BICDL1: variants seen among roughly 807,000 people sequenced by gnomAD.
The protein encoded by BICDL1 is BICD family like cargo adaptor 1, also known as BICD family-like cargo adapter 1.
In BICDL1, 20 loss-of-function variants were observed where a neutral mutation model predicts 76.8. That is an observed-to-expected ratio of 0.26 (90% CI 0.18 to 0.38). The LOEUF (loss-of-function observed/expected upper bound fraction) is 0.38. Among genes scored for constraint, BICDL1 ranks in the 10% least tolerant of loss-of-function variants. The pLI, the probability that BICDL1 is intolerant of heterozygous loss-of-function variation, is 1.00. For missense variants in BICDL1, 700 were observed against 798.6 expected (o/e 0.88, Z 1.49); for synonymous variants, 383 against 337.1 (o/e 1.14, Z -1.49).
rs973700630 is a variant in BICDL1 at position 120,071,348 on chromosome 12, G to A, written c.910-274G>A. 2.6e-5 allele frequency among the ~76,000 whole-genome samples: 4 copies of A among 151,864 alleles called. No individual in the cohort carries two copies. The highest frequency in any genetic ancestry group is 5.9e-5 in the Non-Finnish European group (4 of 67,956). ...GTAGAGGCAGGGTTTCATCATGTTGGCCAGGCTGGTCTCATACTCCTGACC... is the reference window on the plus strand; with the variant it reads ...GTAGAGGCAGGGTTTCATCATGTTGACCAGGCTGGTCTCATACTCCTGACC... On this transcript the variant is annotated intron_variant, in intron 4 of 9. Coordinates refer to ENST00000548673, the MANE Select transcript of BICDL1 (RefSeq NM_001367886.1). This position sits in a 1 kb window ranked among gnomAD's most constrained non-coding sequence, Gnocchi z 4.8.
At chr12:120,000,935 T>C (rs1951747336) in intron 2 of BICDL1, among the ~76,000 whole-genome samples, 2 of 152,252 alleles carry the variant, frequency 1.3e-5, no homozygotes, top group Non-Finnish European at 2.9e-5. Flanking sequence ...AAGCAGTGTC[T>C]TTATAATTTG....
chr12:119,995,181 C>G (rs76790513), intron 1 of BICDL1, among the ~76,000 whole-genome samples: 2,083 of 152,264 alleles, frequency 0.014, 42 homozygotes, highest in East Asian at 0.043. Flanking sequence ...CTTCACACTT[C>G]CTGACAGTCT....
chr12:120,077,582 G>A (rs1257958544), intron 7 of BICDL1, among the ~76,000 whole-genome samples: 1 of 152,204 alleles, frequency 6.6e-6, no homozygotes, highest in African/African-American at 2.4e-5. Context: ...CTTGACTCGA[G>A]TGCACACTTG....
intron 2 of BICDL1, among the ~76,000 whole-genome samples, chr12:120,030,686 A>G (rs1952403835): frequency 6.6e-6 from 1 of 152,222 alleles, no homozygotes; most frequent in African/African-American, 2.4e-5. Flanking sequence ...GATGACCCAC[A>G]TCACTAAAAT....
intron 4 of BICDL1, among the ~76,000 whole-genome samples, chr12:120,067,215 C>T (rs1953239761): frequency 6.6e-6 from 1 of 152,238 alleles, no homozygotes; most frequent in Non-Finnish European, 1.5e-5. Flanking sequence ...TCATACTCAG[C>T]TGGGCATCTT....
chr12:120,043,549 T>C lies in BICDL1; in HGVS notation c.646-18161T>C, dbSNP rs1005233396. Among the ~76,000 whole-genome samples, 9 of 152,180 alleles carry C rather than the reference T, an allele frequency of 5.9e-5. 1 individual carries two copies. The highest frequency in any genetic ancestry group is 5.9e-4 in the Admixed American group (9 of 15,282). ...GAGCAGCAAATCCATGGATCAGTCA[T>C]GCGTAATTTACATCAAAGGCTAAGT... On this transcript the variant is annotated intron_variant, in intron 2 of 9. Transcript: ENST00000548673.
intron 2 of BICDL1, among the ~76,000 whole-genome samples, chr12:120,011,112 C>T (rs549694193): frequency 2.7e-4 from 41 of 152,288 alleles, no homozygotes; most frequent in African/African-American, 9.6e-4. Flanking sequence ...ATTCAGTTCT[C>T]CTCCAGCCAT....
chr12:120,028,670 C>G (rs1952358583), intron 2 of BICDL1, among the ~76,000 whole-genome samples: 2 of 152,026 alleles, frequency 1.3e-5, no homozygotes, highest in Admixed American at 1.3e-4. Flanking sequence ...GAGTAAGACT[C>G]AGACTCAAAA....
At chr12:120,031,357 C>T (rs1401641644) in intron 2 of BICDL1, among the ~76,000 whole-genome samples, 1 of 152,068 alleles carries the variant, frequency 6.6e-6, no homozygotes, top group African/African-American at 2.4e-5. Context: ...GTGCCCACCA[C>T]CATGCCTGGC....
intron 2 of BICDL1, among the ~76,000 whole-genome samples, chr12:120,044,724 C>T (rs1486034316): frequency 7.9e-5 from 12 of 152,036 alleles, no homozygotes; most frequent in South Asian, 2.1e-4. Context: ...TGTAGATATG[C>T]GGCGTTATTT....
chr12:120,001,744 A>AC (rs1338037910), intron 2 of BICDL1, among the ~76,000 whole-genome samples: 1 of 152,058 alleles, frequency 6.6e-6, no homozygotes, highest in Non-Finnish European at 1.5e-5. Context: ...CATAACATTT[A>AC]CCCTTTAAAA....
At chr12:120,046,811 G>C (rs1952759312) in intron 2 of BICDL1, among the ~76,000 whole-genome samples, 1 of 152,176 alleles carries the variant, frequency 6.6e-6, no homozygotes, top group African/African-American at 2.4e-5. Context: ...ACAGTGTGGT[G>C]TATTAGGAGT....
At chr12:120,035,483 A>G (rs1952513910) in intron 2 of BICDL1, among the ~76,000 whole-genome samples, 1 of 152,242 alleles carries the variant, frequency 6.6e-6, no homozygotes, top group African/African-American at 2.4e-5. Context: ...AATGAAGCTC[A>G]GAGATGCTAA....
At chr12:120,041,399 CAAA>C (rs1192658364) in intron 2 of BICDL1, among the ~76,000 whole-genome samples, 1 of 152,034 alleles carries the variant, frequency 6.6e-6, no homozygotes, top group Non-Finnish European at 1.5e-5. Flanking sequence ...AACCTTAAGC[CAAA>C]AATGAGTTAA....
Position 120,093,096 on chromosome 12 carries a change from G to A in BICDL1, c.1801G>A (p.Gly601Arg), listed in dbSNP as rs1292041467. ...TGCCCTCTGCAGGGGCCACAGCGCT[G>A]GGCGGGGGGATGAGCCCAGCATCGC... ...AAALCRGHSA[G>R]RGDEPSIAEG... The change falls in exon 10 of 10, where the codon GGG becomes AGG. Residue 601 changes from glycine (G) to arginine (R), a missense_variant. Physicochemically the swap from Gly to Arg is moderately radical, Grantham distance 125. Coordinates refer to ENST00000548673, the MANE Select transcript of BICDL1 (RefSeq NM_001367886.1). The A allele has an allele frequency of 6.2e-7, 1 of 1,613,186 alleles. No individual in the cohort carries two copies.
chr12:120,053,163 TCTGCCTC>T (rs1952900379), intron 2 of BICDL1, among the ~76,000 whole-genome samples: 1 of 151,978 alleles, frequency 6.6e-6, no homozygotes, highest in South Asian at 2.1e-4. Context: ...CACCACAACC[TCTGCCTC>T]CTGGGTTCAA....
At chr12:120,047,289 A>C (rs1331362564) in intron 2 of BICDL1, among the ~76,000 whole-genome samples, 1 of 152,138 alleles carries the variant, frequency 6.6e-6, no homozygotes, top group East Asian at 1.9e-4. Context: ...AGTTTTTGTC[A>C]TCCCTGGAAA....
At position 120,061,663 on chromosome 12, in the gene BICDL1, C is replaced by T. The variant is rs1307243154; in HGVS notation, c.646-47C>T. 2.3e-6 allele frequency: 3 copies of T among 1,288,626 alleles called. No homozygotes were observed. The Admixed American group carries it at 5.0e-5, about 22-fold the overall frequency. The allele number at this position is 1,288,626 out of a possible 1,614,324, so 79.8% of individuals were successfully genotyped here. A position where few individuals can be genotyped will look rare whatever the true frequency, so the allele number is the denominator to read the frequency against. On this transcript the variant is annotated intron_variant, in intron 2 of 9. Coordinates refer to ENST00000548673, the MANE Select transcript of BICDL1 (RefSeq NM_001367886.1). ...TGAAAGCAGAAACCTTAACAGAGTT[C>T]CTTTGCATAACCTCCGAATCAGCTC...
intron 2 of BICDL1, among the ~76,000 whole-genome samples, chr12:120,032,938 G>A (rs1247418482): frequency 1.3e-5 from 2 of 151,790 alleles, no homozygotes; most frequent in Non-Finnish European, 2.9e-5. Context: ...GTAGAGATAG[G>A]GTTTCACCAT....
Sources: allele counts gnomAD v4.1 joint callset (sites outside exome capture counted in the v4.1 genomes callset), GRCh38; gene constraint gnomAD v4.1.1; non-coding constraint Gnocchi (gnomAD v3.1); transcripts MANE v1.5; gene names NCBI Gene and HGNC (gene_info 2026-07-23, HGNC 2026-07-21).